The following SCML4 variants were observed in gnomAD, a reference collection of about 807,000 sequenced individuals.
SCML4 encodes the protein Scm polycomb group protein like 4, also known as sex comb on midleg-like protein 4.
A neutral mutation model predicts 41.1 loss-of-function variants in SCML4; 34 were observed. The ratio of observed to expected loss-of-function variants is 0.83; its 90% CI spans 0.63 to 1.10. SCML4 has a LOEUF of 1.10. Ranked by LOEUF, SCML4 falls within the 50% of genes least tolerant of loss-of-function variation. The pLI is 0.00. For missense variants in SCML4, 522 were observed against 534.1 expected, an observed-to-expected ratio of 0.98 and a Z score of 0.22; for synonymous variants, 214 against 220.9, an observed-to-expected ratio of 0.97 and a Z score of 0.28.
intron 6 of SCML4, among the ~76,000 whole-genome samples, chr6:107,713,195 A>G (rs990764746): frequency 5.3e-5 from 8 of 152,218 alleles, no homozygotes; most frequent in Non-Finnish European, 8.8e-5. Flanking sequence ...GAGCACATCC[A>G]TACGTACATA....
intron 2 of SCML4, among the ~76,000 whole-genome samples, chr6:107,750,032 G>A (rs1235938503): frequency 6.6e-6 from 1 of 152,210 alleles, no homozygotes; most frequent in Non-Finnish European, 1.5e-5. Flanking sequence ...TTTCAGAAGA[G>A]CCACCCAGGA....
chr6:107,704,923 G>T lies in SCML4; in HGVS notation c.*277C>A. The T allele has an allele frequency of 2.1e-6, 1 of 484,156 alleles. No individual in the cohort carries two copies. 30.0% of individuals were successfully genotyped at this position (484,156 alleles called of 1,614,324 possible). ...TCCCCACTCTCTCGTTATGCAAATA[G>T]GACCCACTTTAAGAGAAACCAGCAT... On this transcript the variant is annotated 3_prime_UTR_variant, in exon 8 of 8. Coordinates refer to ENST00000369020, the MANE Select transcript of SCML4 (RefSeq NM_198081.5).
chr6:107,833,654 C>G, the SCML4 span, among the ~76,000 whole-genome samples: 4 of 152,144 alleles, frequency 2.6e-5, no homozygotes, highest in Admixed American at 1.3e-4. Flanking sequence ...GAGAGGAAGT[C>G]CAGGCTTCCC....
At chr6:107,792,161 T>A (rs1438716922) in intron 1 of SCML4, among the ~76,000 whole-genome samples, 1 of 152,210 alleles carries the variant, frequency 6.6e-6, no homozygotes, top group Non-Finnish European at 1.5e-5. Context: ...AGGATAACAC[T>A]GTTGGGTAGA....
the SCML4 span, among the ~76,000 whole-genome samples, chr6:107,835,437 G>A: frequency 1.3e-5 from 2 of 151,882 alleles, no homozygotes; most frequent in Admixed American, 1.3e-4. Context: ...GAGAATCCTT[G>A]GAATTAAAAA....
intron 1 of SCML4, among the ~76,000 whole-genome samples, chr6:107,806,598 T>C (rs1039737402): frequency 1.3e-5 from 2 of 152,300 alleles, no homozygotes; most frequent in East Asian, 1.9e-4. Context: ...GGACTTAGCA[T>C]TGGGCCTCCA....
intron 6 of SCML4, among the ~76,000 whole-genome samples, chr6:107,714,881 C>G (rs1417114907): frequency 1.3e-5 from 2 of 151,142 alleles, no homozygotes; most frequent in African/African-American, 4.9e-5. Context: ...TCAGAAATGT[C>G]TGGTTTACAG....
At chr6:107,835,868 A>G in the SCML4 span, among the ~76,000 whole-genome samples, 2 of 152,148 alleles carry the variant, frequency 1.3e-5, no homozygotes, top group Non-Finnish European at 2.9e-5. Context: ...AGGAAAATAG[A>G]AAAACTTCAA....
chr6:107,755,666 T>TAAAAAAA, intron 2 of SCML4: 1 of 1,060,830 alleles, frequency 9.4e-7, no homozygotes, highest in African/African-American at 1.9e-5. Flanking sequence ...CTTAGGTTTC[T>TAAAAAAA]AAAAAAAAAA....
At position 107,720,725 on chromosome 6, in the gene SCML4, G is replaced by T. The variant is rs1775300264; in HGVS notation, c.951C>A (p.Thr317=). The T allele has an allele frequency of 1.9e-6, 3 of 1,574,430 alleles. No homozygotes were observed. Among genetic ancestry groups the T allele is most frequent in the South Asian group, 2.4e-5 (2 of 84,824 alleles). Residue 317 remains threonine, a synonymous_variant, in exon 6 of 8, where the codon ACC becomes ACA. Coordinates refer to ENST00000369020, the MANE Select transcript of SCML4 (RefSeq NM_198081.5). ...TACCACATCTGTTTCCTTCAAGAGAGGTCGTGTTTCTCTTGGGGCTGGAGG... is the reference window on the plus strand; with the variant it reads ...TACCACATCTGTTTCCTTCAAGAGATGTCGTGTTTCTCTTGGGGCTGGAGG... ...PPASSPKRNT[T]SLEGNRCASS... is the part of the protein sequence containing the mutation.
At chr6:107,834,786 T>C in the SCML4 span, among the ~76,000 whole-genome samples, 1 of 150,226 alleles carries the variant, frequency 6.7e-6, no homozygotes, top group Admixed American at 6.6e-5. Flanking sequence ...CTCTAGAAAA[T>C]ATACAAAAAT....
chr6:107,824,462 C>CTGTGTGTG (rs58212021), upstream of SCML4: 144 of 134,940 alleles, frequency 1.1e-3, 1 homozygote, highest in African/African-American at 3.8e-3. Flanking sequence ...AACGAGGCCT[C>CTGTGTGTG]TGTGTGTGTG....
At chr6:107,799,185 T>G (rs1040548959) in intron 1 of SCML4, among the ~76,000 whole-genome samples, 1 of 152,200 alleles carries the variant, frequency 6.6e-6, no homozygotes, top group Non-Finnish European at 1.5e-5. Flanking sequence ...AATTGTGAAA[T>G]TGCCTATTTG....
rs1773250804 is a variant in SCML4, at chr6:107,702,301, A to C, written c.*2899T>G. Among the ~76,000 whole-genome samples the C allele has an allele frequency of 6.6e-6, 1 of 152,374 alleles. No individual in the cohort carries two copies. The highest frequency in any genetic ancestry group is 2.1e-4 in the South Asian group (1 of 4,830). On this transcript the variant is annotated 3_prime_UTR_variant, in exon 8 of 8. Coordinates refer to ENST00000369020, the MANE Select transcript of SCML4 (RefSeq NM_198081.5). The stretch of plus-strand genomic sequence containing the variant: ...TCCGCGAGAGAAGTTCCACGTGAAC[A>C]TGGATCCAGTTTTCTCCAAGACTTG...
chr6:107,707,675 C>T (rs3862834), intron 7 of SCML4, among the ~76,000 whole-genome samples, 191 bp downstream of exon 7: 111,508 of 152,000 alleles, frequency 0.73, 41,246 homozygotes, highest in Admixed American at 0.81. Context: ...TAAGTGGTCA[C>T]TCTGCTCTGA....
chr6:107,819,078 C>T (rs17589005), intron 1 of SCML4, among the ~76,000 whole-genome samples: 26,652 of 152,136 alleles, frequency 0.18, 2,893 homozygotes, highest in South Asian at 0.26. Flanking sequence ...GTACTCATAG[C>T]TATTACTGAA....
Position 107,705,017 on chromosome 6 carries a change from G to A in SCML4, c.*183C>T, listed in dbSNP as rs114924838. Reference sequence around the variant, plus strand: ...AATTATGAACACAGAGGAGCCTCTCGAAAAGGTCCATGTTAAATTCTTCAA... The same window carrying A: ...AATTATGAACACAGAGGAGCCTCTCAAAAAGGTCCATGTTAAATTCTTCAA... On this transcript the variant is annotated 3_prime_UTR_variant, in exon 8 of 8. Coordinates refer to ENST00000369020, the MANE Select transcript of SCML4 (RefSeq NM_198081.5). 2.1e-5 allele frequency: 14 copies of A among 674,248 alleles called. 1 individual carries two copies. Among genetic ancestry groups the A allele is most frequent in the East Asian group, 1.4e-4 (5 of 36,762 alleles). The allele number at this position is 674,248 out of a possible 1,614,324, so 41.8% of individuals were successfully genotyped here. A position where few individuals can be genotyped will look rare whatever the true frequency, so the allele number is the denominator to read the frequency against.
intron 2 of SCML4, among the ~76,000 whole-genome samples, chr6:107,751,383 C>G (rs2114511578): frequency 6.6e-6 from 1 of 152,158 alleles, no homozygotes; most frequent in South Asian, 2.1e-4. Context: ...ATGTCGATAT[C>G]AAGCCCCAAG....
At chr6:107,802,580 GAGGA>G (rs1163058698) in intron 1 of SCML4, among the ~76,000 whole-genome samples, 1,213 of 36,458 alleles carry the variant, frequency 0.033, 41 homozygotes, top group African/African-American at 0.092. Context: ...GGGAGGGAGG[GAGGA>G]AGGAAGGAAG....
Sources: allele counts gnomAD v4.1 joint callset (sites outside exome capture counted in the v4.1 genomes callset), GRCh38; gene constraint gnomAD v4.1.1; transcripts MANE v1.5; gene names NCBI Gene and HGNC (gene_info 2026-07-23, HGNC 2026-07-21).